Variants in GRIN2A observed in about 807,000 individuals in gnomAD.
The protein encoded by GRIN2A is glutamate receptor ionotropic, NMDA 2A.
In GRIN2A, 22 loss-of-function variants were observed where a neutral mutation model predicts 113.4. The observed-to-expected ratio is 0.19, with a 90% confidence interval of 0.14 to 0.28. The LOEUF (loss-of-function observed/expected upper bound fraction) is 0.28. Among genes scored for constraint, GRIN2A ranks in the 10% least tolerant of loss-of-function variants. The pLI is 1.00. For missense variants in GRIN2A, 1,502 were observed against 1,887.0 expected, an observed-to-expected ratio of 0.80 and a Z score of 3.78; for synonymous variants, 827 against 738.4, an observed-to-expected ratio of 1.12 and a Z score of -1.94.
At chr16:9,793,588 A>C (rs1902760742) in intron 11 of GRIN2A, among the ~76,000 whole-genome samples, 1 of 152,098 alleles carries the variant, frequency 6.6e-6, no homozygotes, top group Non-Finnish European at 1.5e-5. Context: ...TGGATGAATA[A>C]ATGGCTGAGT....
chr16:10,104,473 T>A (rs1451053013), intron 2 of GRIN2A, among the ~76,000 whole-genome samples: 1 of 152,222 alleles, frequency 6.6e-6, no homozygotes, highest in Non-Finnish European at 1.5e-5. Context: ...AATGACTTAA[T>A]AATCAGTATG....
chr16:10,077,659 G>A (rs189391346), intron 2 of GRIN2A, among the ~76,000 whole-genome samples: 1 of 152,280 alleles, frequency 6.6e-6, no homozygotes, highest in East Asian at 1.9e-4. Flanking sequence ...TTTAGAGTTT[G>A]GCCTCCGGTT....
chr16:9,975,219 A>G (rs2045751839), intron 2 of GRIN2A, among the ~76,000 whole-genome samples: 1 of 152,202 alleles, frequency 6.6e-6, no homozygotes, highest in African/African-American at 2.4e-5. Context: ...ATAATGGGCA[A>G]AATGGATCCC....
chr16:9,806,486 T>C (rs187213249), intron 10 of GRIN2A, among the ~76,000 whole-genome samples: 11 of 152,326 alleles, frequency 7.2e-5, no homozygotes, highest in Admixed American at 6.5e-4. Flanking sequence ...GGTTAATATT[T>C]ATTTTTTTAG....
At chr16:9,791,627 G>A (rs932978696) in intron 11 of GRIN2A, among the ~76,000 whole-genome samples, 2 of 152,152 alleles carry the variant, frequency 1.3e-5, no homozygotes, top group Non-Finnish European at 2.9e-5. Context: ...AGTTGATCAA[G>A]GGCAGTGTTG....
chr16:9,987,288 A>G (rs2045996171), intron 2 of GRIN2A, among the ~76,000 whole-genome samples: 1 of 152,234 alleles, frequency 6.6e-6, no homozygotes, highest in African/African-American at 2.4e-5. Flanking sequence ...AAGACTTTTT[A>G]TATTTCTTCC....
At chr16:10,039,999 CAA>C (rs112753411) in intron 2 of GRIN2A, among the ~76,000 whole-genome samples, 1 of 144,514 alleles carries the variant, frequency 6.9e-6, no homozygotes, top group African/African-American at 2.6e-5. Context: ...CACAAATACA[CAA>C]CACACACATC....
chr16:9,769,172 T>C, intron 11 of GRIN2A, 83 bp from the exon 12 acceptor site: 1 of 1,042,056 alleles, frequency 9.6e-7, no homozygotes. Context: ...GAACAGACGA[T>C]GTGCAACTCA....
At position 10,112,094 on chromosome 16, in the gene GRIN2A, T is replaced by C. The variant is rs924570399; in HGVS notation, c.414+67904A>G. 2.0e-5 allele frequency: 12 copies of C among 598,654 alleles called. No homozygotes were observed. In the African/African-American group the frequency reaches 2.0e-4, roughly 10 times the overall value. The allele number at this position is 598,654 out of a possible 1,614,324, so 37.1% of individuals were successfully genotyped here. ...GAGACTACATTCTGGCCTCCAAGGA[T>C]TCCCACAAGCAGCTGCTGTGCAGGG... On this transcript the variant is annotated intron_variant, in intron 2 of 12. Transcript: ENST00000330684.
At chr16:10,158,070 T>A (rs1306373757) in intron 2 of GRIN2A, among the ~76,000 whole-genome samples, 2 of 152,182 alleles carry the variant, frequency 1.3e-5, no homozygotes, top group African/African-American at 4.8e-5. Context: ...AGTGGCCCAA[T>A]CACAGCCCAC....
At chr16:10,046,669 T>C (rs2141974263) in intron 2 of GRIN2A, among the ~76,000 whole-genome samples, 1 of 152,308 alleles carries the variant, frequency 6.6e-6, no homozygotes, top group Middle Eastern at 3.4e-3. Context: ...CAGCTCTTAA[T>C]TTCCTTCATT....
At chr16:9,928,974 C>T (rs1177629056) in intron 3 of GRIN2A, among the ~76,000 whole-genome samples, 1 of 152,230 alleles carries the variant, frequency 6.6e-6, no homozygotes, top group African/African-American at 2.4e-5. Context: ...AAACACTGTG[C>T]AGACGCCCAC....
At chr16:9,802,909 A>G (rs1173374850) in intron 10 of GRIN2A, among the ~76,000 whole-genome samples, 2 of 152,174 alleles carry the variant, frequency 1.3e-5, no homozygotes. Flanking sequence ...GTGGCAAGCA[A>G]GGGGAAGGCT....
At chr16:10,041,425 T>C (rs2047164985) in intron 2 of GRIN2A, among the ~76,000 whole-genome samples, 1 of 152,234 alleles carries the variant, frequency 6.6e-6, no homozygotes, top group Non-Finnish European at 1.5e-5. Flanking sequence ...CTGCTGTACC[T>C]ACTCCCTGAA....
rs2141119855 is a variant in GRIN2A at position 9,760,803 on chromosome 16, C to A, written c.*2346G>T. On this transcript the variant is annotated 3_prime_UTR_variant, in exon 13 of 13. Coordinates refer to ENST00000330684, the MANE Select transcript of GRIN2A (RefSeq NM_001134407.3). ...GGAAGACTTTTTAATTCATTCATGT[C>A]AAAACATCCCAGACTCATGAGGAAA... The A allele has an allele frequency of 4.3e-6, 1 of 230,862 alleles. No individual in the cohort carries two copies. The highest frequency in any genetic ancestry group is 6.1e-5 in the East Asian group (1 of 16,316). 14.3% of individuals were successfully genotyped at this position (230,862 alleles called of 1,614,324 possible). A position where few individuals can be genotyped will look rare whatever the true frequency, so the allele number is the denominator to read the frequency against.
chr16:9,924,959 C>T (rs2044428892), intron 3 of GRIN2A, among the ~76,000 whole-genome samples: 1 of 152,118 alleles, frequency 6.6e-6, no homozygotes, highest in Non-Finnish European at 1.5e-5. Context: ...GCCCCATGTG[C>T]CAATTCCAAC....
At chr16:9,814,080 A>G (rs558763356) in intron 10 of GRIN2A, among the ~76,000 whole-genome samples, 20 of 152,346 alleles carry the variant, frequency 1.3e-4, no homozygotes, top group Middle Eastern at 6.8e-3. Flanking sequence ...GGGAATGCCA[A>G]TATCCCTGAA....
At chr16:10,144,418 T>C (rs2049389506) in intron 2 of GRIN2A, among the ~76,000 whole-genome samples, 2 of 152,186 alleles carry the variant, frequency 1.3e-5, no homozygotes, top group Admixed American at 6.5e-5. Flanking sequence ...ATTAATGATG[T>C]TGAGAACCTT....
In GRIN2A at chr16:9,753,924, G is replaced by T. The variant is rs1035024683; in HGVS notation, c.*9225C>A. The T allele has an allele frequency of 1.1e-5, 2 of 178,304 alleles. No individual in the cohort carries two copies. Among genetic ancestry groups the T allele is most frequent in the Non-Finnish European group, 2.4e-5 (2 of 83,122 alleles). The allele number at this position is 178,304 out of a possible 1,614,324, so 11.0% of individuals were successfully genotyped here. A position where few individuals can be genotyped will look rare whatever the true frequency, so the allele number is the denominator to read the frequency against. On this transcript the variant is annotated 3_prime_UTR_variant, in exon 13 of 13. Transcript: ENST00000330684. The stretch of plus-strand genomic sequence containing the variant: ...TGGAGTTCAATCCTAGCCTTGTTGG[G>T]TTAAAAATGGACTCAGACATAAACC...
Sources: gnomAD v4.1 joint callset for allele counts (sites outside exome capture counted in the v4.1 genomes callset) on GRCh38, gnomAD v4.1.1 for gene constraint, MANE v1.5 for transcripts, NCBI Gene and HGNC (gene_info 2026-07-23, HGNC 2026-07-21) for gene names.